The following CSMD2 variants were observed in gnomAD, a reference collection of about 807,000 sequenced individuals.
CSMD2 encodes the protein CUB and sushi domain-containing protein 2.
In CSMD2, 130 loss-of-function variants were observed where a neutral mutation model predicts 398.5. The ratio of observed to expected loss-of-function variants is 0.33; its 90% CI spans 0.28 to 0.38. CSMD2 has a LOEUF of 0.38. Among genes scored for constraint, CSMD2 ranks in the 10% least tolerant of loss-of-function variants. The probability of loss-of-function intolerance (pLI) is 1.00; values close to 1 mark genes in which losing one functional copy is unlikely to be tolerated. For synonymous variants in CSMD2, 1,828 were observed against 1,908.5 expected (o/e 0.96, Z 1.10); for missense variants, 3,829 against 4,764.9 (o/e 0.80, Z 5.78).
chr1:34,048,078 G>A (rs906770542), intron 2 of CSMD2, among the ~76,000 whole-genome samples: 6 of 152,214 alleles, frequency 3.9e-5, no homozygotes, highest in African/African-American at 7.2e-5. Context: ...CCAGCACCAC[G>A]TGTCAGGAGG....
At chr1:33,916,918 C>T (rs1249044164) in intron 5 of CSMD2, among the ~76,000 whole-genome samples, 7 of 152,224 alleles carry the variant, frequency 4.6e-5, no homozygotes, top group East Asian at 3.9e-4. Context: ...GTGCAATAAA[C>T]GTGCCCCATT....
chr1:33,859,374 C>A (rs1466144533), intron 5 of CSMD2, among the ~76,000 whole-genome samples: 3 of 152,176 alleles, frequency 2.0e-5, no homozygotes, highest in African/African-American at 7.2e-5. Context: ...ATCTTCAAAT[C>A]TCTCTCCACC....
At chr1:34,090,778 G>A (rs745393399) in intron 1 of CSMD2, among the ~76,000 whole-genome samples, 2 of 152,178 alleles carry the variant, frequency 1.3e-5, no homozygotes, top group Non-Finnish European at 2.9e-5. Context: ...GCAGAAGGTG[G>A]TGAGGTCATG....
At chr1:33,741,482 G>A (rs997028870) in intron 14 of CSMD2, among the ~76,000 whole-genome samples, 8 of 152,052 alleles carry the variant, frequency 5.3e-5, no homozygotes, top group Admixed American at 5.2e-4. Flanking sequence ...TCTAGGATGC[G>A]GCCCAGATTT....
Position 33,592,454 on chromosome 1 carries a change from A to AGG in CSMD2, c.6857-5288_6857-5287dup. ...GGCTGGGGGGCAGATGTGTGCGTGGAGGGGTGTCACAATGTACAAACAGCT... is the reference window on the plus strand; with the variant it reads ...GGCTGGGGGGCAGATGTGTGCGTGGAGGGGGGTGTCACAATGTACAAACAGCT... On this transcript the variant is annotated intron_variant, in intron 44 of 70. Coordinates refer to ENST00000373381, the MANE Select transcript of CSMD2 (RefSeq NM_001281956.2). 4.2e-6 allele frequency: 3 copies of AGG among 716,688 alleles called. No individual in the cohort carries two copies. In the East Asian group the frequency reaches 8.0e-5, roughly 19 times the overall value. 44.4% of individuals were successfully genotyped at this position (716,688 alleles called of 1,614,324 possible).
At chr1:34,099,257 A>C (rs550881957) in intron 1 of CSMD2, among the ~76,000 whole-genome samples, 35 of 152,294 alleles carry the variant, frequency 2.3e-4, no homozygotes, top group African/African-American at 6.3e-4. Context: ...TCCTTCCTTC[A>C]TTCATTCATT....
intron 6 of CSMD2, among the ~76,000 whole-genome samples, chr1:33,845,170 C>T (rs1427381721): frequency 6.6e-6 from 1 of 152,130 alleles, no homozygotes; most frequent in Non-Finnish European, 1.5e-5. Flanking sequence ...CCCAAAGCAC[C>T]ATCAGAGGAG....
chr1:33,945,716 C>G (rs1302339244), intron 3 of CSMD2, among the ~76,000 whole-genome samples: 1 of 152,120 alleles, frequency 6.6e-6, no homozygotes, highest in Non-Finnish European at 1.5e-5. Flanking sequence ...GCCTTGGTCC[C>G]TTGGAGGAAG....
At chr1:33,959,878 G>A (rs910257497) in intron 3 of CSMD2, among the ~76,000 whole-genome samples, 1 of 152,136 alleles carries the variant, frequency 6.6e-6, no homozygotes, top group African/African-American at 2.4e-5. Flanking sequence ...CTTGCCCCCT[G>A]GCTGTCTCCA....
intron 10 of CSMD2, chr1:33,804,799 T>C (rs1656028401): frequency 2.8e-6 from 2 of 717,364 alleles, no homozygotes; most frequent in African/African-American, 1.7e-5. Context: ...TTGTCCTTGC[T>C]GTTTCCCAGA....
At chr1:34,149,423 A>T (rs1640082129) in intron 1 of CSMD2, among the ~76,000 whole-genome samples, 1 of 151,846 alleles carries the variant, frequency 6.6e-6, no homozygotes, top group Non-Finnish European at 1.5e-5. Flanking sequence ...GCTGCCCCCC[A>T]CCAACAGGCC....
intron 9 of CSMD2, among the ~76,000 whole-genome samples, chr1:33,811,894 T>C (rs1656908062): frequency 6.6e-6 from 1 of 152,142 alleles, no homozygotes; most frequent in Non-Finnish European, 1.5e-5. Flanking sequence ...TGCCTAACAG[T>C]AAAGAAATAG....
intron 5 of CSMD2, among the ~76,000 whole-genome samples, chr1:33,855,139 G>C (rs965097446): frequency 6.6e-6 from 1 of 152,184 alleles, no homozygotes; most frequent in Non-Finnish European, 1.5e-5. Context: ...CTGCTTTTCT[G>C]AGTTGCCCAC....
chr1:33,649,861 A>G (rs1224887467), intron 28 of CSMD2, among the ~76,000 whole-genome samples: 1 of 152,144 alleles, frequency 6.6e-6, no homozygotes, highest in Non-Finnish European at 1.5e-5. Flanking sequence ...TCTCTAGGAC[A>G]AAGGAGATAA....
chr1:34,052,392 G>A (rs1653290303), intron 2 of CSMD2, among the ~76,000 whole-genome samples: 1 of 151,678 alleles, frequency 6.6e-6, no homozygotes, highest in Non-Finnish European at 1.5e-5. Context: ...GGATATGGGA[G>A]GTTATATGCA....
intron 13 of CSMD2, among the ~76,000 whole-genome samples, chr1:33,771,000 C>A (rs1569845683): frequency 6.6e-6 from 1 of 152,320 alleles, no homozygotes; most frequent in East Asian, 1.9e-4. Flanking sequence ...CCTCAGCTGG[C>A]ATTCTGCTAC....
intron 41 of CSMD2, among the ~76,000 whole-genome samples, chr1:33,609,047 A>G (rs1184637311): frequency 1.3e-5 from 2 of 152,248 alleles, no homozygotes; most frequent in Non-Finnish European, 2.9e-5. Context: ...TAATAGGCAC[A>G]GACATCCTTG....
At chr1:33,712,820 T>C (rs1385007034) in intron 21 of CSMD2, among the ~76,000 whole-genome samples, 3 of 152,122 alleles carry the variant, frequency 2.0e-5, no homozygotes, top group Admixed American at 2.0e-4. Context: ...TTCTATGTGT[T>C]TCTGAGTGTG....
intron 3 of CSMD2, among the ~76,000 whole-genome samples, chr1:33,943,362 A>G (rs1299246264): frequency 1.3e-5 from 2 of 152,116 alleles, no homozygotes; most frequent in Non-Finnish European, 2.9e-5. Context: ...ACTCCATCAA[A>G]GCCACACTTA....
Sources: allele counts gnomAD v4.1 joint callset (sites outside exome capture counted in the v4.1 genomes callset), GRCh38; gene constraint gnomAD v4.1.1; transcripts MANE v1.5; gene names NCBI Gene and HGNC (gene_info 2026-07-23, HGNC 2026-07-21).